CACNA1E: variants seen among roughly 807,000 people sequenced by gnomAD.
The protein encoded by CACNA1E is voltage-dependent R-type calcium channel subunit alpha-1E.
In CACNA1E, 40 loss-of-function variants were observed where a neutral mutation model predicts 259.2. The observed-to-expected ratio is 0.15, with a 90% CI of 0.12 to 0.20. The LOEUF (loss-of-function observed/expected upper bound fraction) is 0.20. CACNA1E is among the 10% of genes least tolerant of loss of function. CACNA1E has a pLI of 1.00. For synonymous variants in CACNA1E, 1,104 were observed against 1,138.5 expected, an observed-to-expected ratio of 0.97 and a Z score of 0.61; for missense variants, 1,874 against 3,040.1, an observed-to-expected ratio of 0.62 and a Z score of 9.02.
intron 3 of CACNA1E, among the ~76,000 whole-genome samples, chr1:181,577,348 A>G (rs1176999013): frequency 1.3e-5 from 2 of 152,204 alleles, no homozygotes; most frequent in Non-Finnish European, 2.9e-5. Flanking sequence ...TAATCCAGAG[A>G]AATTTCCTGA....
At chr1:181,342,007 G>T (rs778719373) in intron 1 of CACNA1E, among the ~76,000 whole-genome samples, 1 of 152,224 alleles carries the variant, frequency 6.6e-6, no homozygotes, top group Non-Finnish European at 1.5e-5. Context: ...CAGGACAAGG[G>T]TGTGTGGAAG....
At chr1:181,379,965 G>GATATAT (rs150620283) in intron 1 of CACNA1E, among the ~76,000 whole-genome samples, 2 of 143,538 alleles carry the variant, frequency 1.4e-5, no homozygotes, top group Non-Finnish European at 3.0e-5. Flanking sequence ...ACTGTCATAA[G>GATATAT]ATATATATAT....
intron 22 of CACNA1E, among the ~76,000 whole-genome samples, chr1:181,737,090 C>T (rs1201372884): frequency 1.3e-5 from 2 of 152,216 alleles, no homozygotes; most frequent in African/African-American, 4.8e-5. Context: ...ACCTGGGGCT[C>T]ATGAAAACTC....
intron 3 of CACNA1E, among the ~76,000 whole-genome samples, chr1:181,544,054 G>C (rs1011806321): frequency 6.6e-6 from 1 of 152,136 alleles, no homozygotes; most frequent in Non-Finnish European, 1.5e-5. Flanking sequence ...TAGACAAAAA[G>C]TATCCCAAGT....
rs769727778 is a variant in CACNA1E at position 181,732,740 on chromosome 1, C to A, written c.2654C>A (p.Ala885Asp). 7 of 1,558,860 alleles carry A rather than the reference C, an allele frequency of 4.5e-6. No homozygotes were observed. The Admixed American group carries it at 1.3e-4, about 29-fold the overall frequency. Residue 885 changes from alanine (A) to aspartate (D), a missense_variant, in exon 20 of 48, where the codon GCC becomes GAC. Ala to Asp is a moderately radical substitution (Grantham distance 126). This residue lies in a region of CACNA1E where 476 missense variants were observed against 514.0 expected (regional missense o/e 0.93). Transcript: ENST00000367573. This position sits in a 1 kb window ranked among gnomAD's most constrained non-coding sequence, Gnocchi z 5.5. ...GGCCAGCGGGAGCCACCATGGCTGGCCAGGCCCTGTCATGGAAACTGTGAC... is the reference window on the plus strand; with the variant it reads ...GGCCAGCGGGAGCCACCATGGCTGGACAGGCCCTGTCATGGAAACTGTGAC... ...SLGQREPPWL[A>D]RPCHGNCDPT...
At chr1:181,429,338 A>G (rs1269566482) in intron 2 of CACNA1E, among the ~76,000 whole-genome samples, 1 of 152,180 alleles carries the variant, frequency 6.6e-6, no homozygotes, top group Non-Finnish European at 1.5e-5. Flanking sequence ...AGAACCATCT[A>G]GAACACCAGC....
Position 181,782,436 on chromosome 1 carries a change from C to G in CACNA1E, c.5364+913C>G, listed in dbSNP as rs576193659. ...TTTAGACTGACCCAGAACTCTGGAG[C>G]TCTTTCATTCACCTAGGAACACATC... On this transcript the variant is annotated intron_variant, in intron 39 of 47. Coordinates refer to ENST00000367573, the MANE Select transcript of CACNA1E (RefSeq NM_001205293.3). Among the ~76,000 whole-genome samples, 3 of 152,310 alleles carry G rather than the reference C, an allele frequency of 2.0e-5. No homozygotes were observed. The South Asian group carries it at 6.2e-4, about 32-fold the overall frequency.
intron 23 of CACNA1E, 145 bp downstream of exon 23, chr1:181,737,799 A>C: frequency 8.9e-7 from 1 of 1,117,770 alleles, no homozygotes; most frequent in Non-Finnish European, 1.3e-6. Context: ...CTCAGGGCGA[A>C]GTATGAACCA....
At chr1:181,650,543 T>G (rs1658664222) in intron 6 of CACNA1E, among the ~76,000 whole-genome samples, 1 of 152,292 alleles carries the variant, frequency 6.6e-6, no homozygotes, top group Admixed American at 6.5e-5. Context: ...GGTACAGCTT[T>G]TAGAGAGACT....
At position 181,590,437 on chromosome 1, in the gene CACNA1E, T is replaced by A. The variant is rs867310837; in HGVS notation, c.951+9661T>A. ...AAAAAATATATATATATATATATAT[T>A]GTATTTGACTGATGAGTACAGCTTT... On this transcript the variant is annotated intron_variant, in intron 6 of 47. Transcript: ENST00000367573. 6.5e-3 allele frequency among the ~76,000 whole-genome samples: 905 copies of A among 139,586 alleles called. 8 individuals are homozygous for A. Among genetic ancestry groups the A allele is most frequent in the African/African-American group, 0.026 (839 of 31,802 alleles). 91.6% of individuals were successfully genotyped at this position (139,586 alleles called of 152,430 possible).
chr1:181,469,232 A>G (rs1035640763), intron 2 of CACNA1E, among the ~76,000 whole-genome samples: 1 of 152,108 alleles, frequency 6.6e-6, no homozygotes, highest in Non-Finnish European at 1.5e-5. Context: ...TCCTGAATGG[A>G]AGGTAATACT....
At chr1:181,370,877 T>C (rs1654649672) in intron 1 of CACNA1E, among the ~76,000 whole-genome samples, 1 of 152,232 alleles carries the variant, frequency 6.6e-6, no homozygotes. Context: ...CTGAGCTAAT[T>C]TACATTTCTA....
intron 18 of CACNA1E, among the ~76,000 whole-genome samples, chr1:181,728,939 G>A (rs632726): frequency 7.0e-4 from 45 of 64,198 alleles, no homozygotes; most frequent in East Asian, 1.7e-3. Flanking sequence ...GCTCAGGTGT[G>A]TGTGCCCTGC....
intron 37 of CACNA1E, among the ~76,000 whole-genome samples, chr1:181,774,881 C>T (rs1381204669): frequency 6.6e-6 from 1 of 152,204 alleles, no homozygotes; most frequent in African/African-American, 2.4e-5. Context: ...TTACAAGAGA[C>T]AGAAAGCCCA....
At chr1:181,692,876 C>A (rs1295300167) in intron 7 of CACNA1E, among the ~76,000 whole-genome samples, 1 of 151,638 alleles carries the variant, frequency 6.6e-6, no homozygotes, top group Non-Finnish European at 1.5e-5. Flanking sequence ...AATGAGAATG[C>A]AAAATATTTG....
At chr1:181,414,689 A>G (rs925330036) in intron 2 of CACNA1E, among the ~76,000 whole-genome samples, 6 of 152,220 alleles carry the variant, frequency 3.9e-5, no homozygotes, top group Non-Finnish European at 2.9e-5. Flanking sequence ...AATCTTCACC[A>G]TAACTATGAG....
intron 38 of CACNA1E, among the ~76,000 whole-genome samples, chr1:181,779,991 C>T (rs754952068): frequency 2.0e-5 from 3 of 152,148 alleles, no homozygotes; most frequent in Non-Finnish European, 2.9e-5. Context: ...AGAGCCTCAT[C>T]GTCCCATATG....
At chr1:181,397,269 A>G (rs1656744515) in intron 1 of CACNA1E, among the ~76,000 whole-genome samples, 1 of 152,114 alleles carries the variant, frequency 6.6e-6, no homozygotes, top group Admixed American at 6.5e-5. Context: ...CACCACAATA[A>G]TGGTGGATGG....
intron 17 of CACNA1E, 58 bp from the exon 18 acceptor site, chr1:181,726,007 G>A (rs1654872914): frequency 8.4e-7 from 1 of 1,189,776 alleles, no homozygotes; most frequent in Admixed American, 1.9e-5. Flanking sequence ...GAGCAGCCAA[G>A]GGAAGCTACT....
Sources: gnomAD v4.1 joint callset for allele counts (sites outside exome capture counted in the v4.1 genomes callset) on GRCh38, gnomAD v4.1.1 for gene constraint, gnomAD v4.1.1 regional missense constraint, Gnocchi (gnomAD v3.1) non-coding constraint, MANE v1.5 for transcripts, NCBI Gene and HGNC (gene_info 2026-07-23, HGNC 2026-07-21) for gene names.